The following TCOF1 variants were observed in gnomAD, a reference collection of about 807,000 sequenced individuals.
TCOF1 encodes treacle ribosome biogenesis factor 1.
In TCOF1, 33 loss-of-function variants were observed where a neutral mutation model predicts 149.0. The observed-to-expected ratio is 0.22, with a 90% CI of 0.17 to 0.30. The LOEUF is 0.30. TCOF1 is among the 10% of genes least tolerant of loss of function. The pLI is 1.00. For synonymous variants in TCOF1, 789 were observed against 738.8 expected, an observed-to-expected ratio of 1.07 and a Z score of -1.10; for missense variants, 1,728 against 1,840.7, an observed-to-expected ratio of 0.94 and a Z score of 1.12.
At chr5:150,369,000 A>G in intron 5 of TCOF1, 98 bp downstream of exon 5, 1 of 1,499,364 alleles carries the variant, frequency 6.7e-7, no homozygotes. Flanking sequence ...TCTGGAATCA[A>G]AAGTTTGTCT....
rs1561541062 is a variant in TCOF1, at chr5:150,396,818, A to G, written c.4321A>G (p.Lys1441Glu). The change falls in exon 24 of 27, where the codon AAG (lysine) becomes GAG (glutamate). Residue 1441 changes from lysine (K) to glutamate (E), a missense_variant. Lys to Glu is a moderately conservative substitution (Grantham distance 56). Coordinates refer to ENST00000643257, the MANE Select transcript of TCOF1 (RefSeq NM_001371623.1). ...AGATCAAAGCAACCCAAAGAGCAAG[A>G]AGGAGAAGAAGAAATCCGACAAGAG... is the stretch of plus-strand genomic sequence containing the variant. The part of the protein sequence containing the change: ...GGDQSNPKSK[K>E]EKKKSDKRKK... 5.0e-6 allele frequency: 8 copies of G among 1,605,782 alleles called. No individual in the cohort carries two copies. The highest frequency in any genetic ancestry group is 5.9e-6 in the Non-Finnish European group (7 of 1,176,540).
intron 14 of TCOF1, chr5:150,378,541 C>T: frequency 3.3e-6 from 1 of 302,602 alleles, no homozygotes; most frequent in Non-Finnish European, 6.3e-6. Flanking sequence ...AATTTAATGA[C>T]ATTGCCACCT....
chr5:150,392,147 C>G lies in TCOF1; in HGVS notation c.3488C>G (p.Pro1163Arg). 1 of 1,614,138 alleles carries G rather than the reference C, an allele frequency of 6.2e-7. No homozygotes were observed. Among genetic ancestry groups the G allele is most frequent in the Non-Finnish European group, 8.5e-7 (1 of 1,180,022 alleles). Residue 1163 changes from proline to arginine, a missense_variant, in exon 21 of 27, where the codon CCC becomes CGC. Coordinates refer to ENST00000643257, the MANE Select transcript of TCOF1 (RefSeq NM_001371623.1). The stretch of plus-strand genomic sequence containing the variant: ...GGGAGTGAGGAAGATGGTGAAGGGC[C>G]CCAGGGGGCCAAGTCAGCCCACACG... ...SSGSEEDGEG[P>R]QGAKSAHTLV...
chr5:150,374,970 A>AGGCCCCCCAGGTCAG lies in TCOF1; in HGVS notation c.1296_1310dup (p.Pro434_Ala438dup), dbSNP rs1763403493. ...TCACTCCAGGCGAAGCCTTCAGGGA[A>AGGCCCCCCAGGTCAG]GGCCCCCCAGGTCAGAGCCGCCTCG... On this transcript the variant is annotated inframe_insertion, in exon 10 of 27. Coordinates refer to ENST00000643257, the MANE Select transcript of TCOF1 (RefSeq NM_001371623.1). 6.2e-7 allele frequency: 1 copy of AGGCCCCCCAGGTCAG among 1,612,890 alleles called. No homozygotes were observed. The highest frequency in any genetic ancestry group is 8.5e-7 in the Non-Finnish European group (1 of 1,179,818).
intron 1 of TCOF1, among the ~76,000 whole-genome samples, chr5:150,358,100 C>G (rs1462294639): frequency 6.6e-6 from 1 of 152,210 alleles, no homozygotes; most frequent in African/African-American, 2.4e-5. Flanking sequence ...TCGCAGGGGC[C>G]GAACTTTGTA....
In TCOF1 at chr5:150,372,529, C is replaced by T. The variant is rs149867525; in HGVS notation, c.870+293C>T. On this transcript the variant is annotated intron_variant, in intron 7 of 26. Coordinates refer to ENST00000643257, the MANE Select transcript of TCOF1 (RefSeq NM_001371623.1). The stretch of plus-strand genomic sequence containing the variant: ...TGCCTAATCCTCTGACTTCTCAGGA[C>T]AAACCAGACCCTGAGCAGGCAAACA... Among the ~76,000 whole-genome samples the T allele has an allele frequency of 2.8e-3, 427 of 152,350 alleles. 6 individuals are homozygous for T. Among genetic ancestry groups the T allele is most frequent in the African/African-American group, 1.0e-2 (415 of 41,578 alleles).
chr5:150,391,717 C>G, intron 20 of TCOF1, 60 bp downstream of exon 20: 1 of 1,503,202 alleles, frequency 6.7e-7, no homozygotes, highest in Non-Finnish European at 9.1e-7. Flanking sequence ...AGGCGTGGCC[C>G]TGCATCGCGG....
In TCOF1 at chr5:150,374,629, G is replaced by C. The variant is rs776658410; in HGVS notation, c.1096G>C (p.Gly366Arg). ...AKALLQAKAS[G>R]KTSQVGAASA... Reference sequence around the variant, plus strand: ...CTTGTTTCTCCAGGCGAAGGCCTCAGGAAAAACCTCTCAGGTCGGAGCTGC... The same window carrying C: ...CTTGTTTCTCCAGGCGAAGGCCTCACGAAAAACCTCTCAGGTCGGAGCTGC... Residue 366 changes from glycine to arginine, a missense_variant, in exon 9 of 27, where the codon GGA becomes CGA. Gly to Arg is a moderately radical substitution (Grantham distance 125). Around this residue, in one of 2 missense-constraint regions of TCOF1, gnomAD observed 1,696 missense variants for 1,765.4 expected, o/e 0.96. Coordinates refer to ENST00000643257, the MANE Select transcript of TCOF1 (RefSeq NM_001371623.1). The C allele has an allele frequency of 8.7e-6, 14 of 1,612,890 alleles. No homozygotes were observed. In the South Asian group the frequency reaches 1.5e-4, roughly 18 times the overall value.
intron 17 of TCOF1, among the ~76,000 whole-genome samples, chr5:150,386,301 T>TA (rs1295568126): frequency 1.2e-4 from 18 of 152,242 alleles, no homozygotes; most frequent in Admixed American, 2.6e-4. Flanking sequence ...TTGCTTCTCT[T>TA]CGTCCCCGAC....
At chr5:150,378,443 C>T (rs1425376678) in intron 14 of TCOF1, among the ~76,000 whole-genome samples, 3 of 152,288 alleles carry the variant, frequency 2.0e-5, no homozygotes, top group African/African-American at 7.2e-5. Context: ...TGAGCTCCAG[C>T]TCTGACCTCA....
Position 150,374,362 on chromosome 5 carries a change from G to A in TCOF1, c.1059G>A (p.Thr353=), listed in dbSNP as rs764909247. 1.8e-5 allele frequency: 28 copies of A among 1,556,968 alleles called. No homozygotes were observed. In the Middle Eastern group the frequency reaches 1.0e-3, roughly 58 times the overall value. The change falls in exon 8 of 27, where the codon ACG becomes ACA. Residue 353 remains threonine (T), a synonymous_variant. Coordinates refer to ENST00000643257, the MANE Select transcript of TCOF1 (RefSeq NM_001371623.1). ...AGTCATCTGACAGTGAGGAGGAGACGCCAGCTGCCAAGGCCCTGCTTCAGG... is the reference window on the plus strand; with the variant it reads ...AGTCATCTGACAGTGAGGAGGAGACACCAGCTGCCAAGGCCCTGCTTCAGG... ...SEESSDSEEE[T]PAAKALLQAK...
intron 19 of TCOF1, 117 bp from the exon 20 acceptor site, chr5:150,391,427 C>T (rs1767420188): frequency 2.2e-6 from 2 of 894,378 alleles, no homozygotes; most frequent in South Asian, 2.6e-5. Context: ...GCCCCTTTGA[C>T]TGCCCCTCAG....
At chr5:150,382,041 C>A (rs1247249527) in intron 17 of TCOF1, among the ~76,000 whole-genome samples, 1 of 152,158 alleles carries the variant, frequency 6.6e-6, no homozygotes, top group Non-Finnish European at 1.5e-5. Flanking sequence ...ACTAAAAATA[C>A]AAAAACTAGC....
At chr5:150,369,035 T>G (rs1488621863) in intron 5 of TCOF1, 133 bp downstream of exon 5, 11 of 1,206,066 alleles carry the variant, frequency 9.1e-6, no homozygotes, top group Admixed American at 2.0e-5. Context: ...TTCCTGCATC[T>G]TAGGACTTTT....
rs780931180 is a variant in TCOF1, at chr5:150,376,338, CTG to C, written c.2142+12_2142+13del. On this transcript the variant is annotated intron_variant, in intron 13 of 26. Transcript: ENST00000643257. ...GCAGTAACCGTGGGACAGGTGAGGC[CTG>C]TGTTTTCTGGGCGGGCCTCAGGGCC... 1.2e-6 allele frequency: 2 copies of C among 1,614,150 alleles called. No homozygotes were observed. The highest frequency in any genetic ancestry group is 2.2e-5 in the South Asian group (2 of 91,086).
Position 150,396,723 on chromosome 5 carries a change from T to C in TCOF1, c.4226T>C (p.Leu1409Pro), listed in dbSNP as rs1768605681. The C allele has an allele frequency of 6.2e-7, 1 of 1,612,626 alleles. No homozygotes were observed. Among genetic ancestry groups the C allele is most frequent in the African/African-American group, 1.3e-5 (1 of 74,970 alleles). The change falls in exon 24 of 27, where the codon CTT (leucine) becomes CCT (proline). Residue 1409 changes from leucine to proline, a missense_variant. This residue lies in a region of TCOF1 where 1,696 missense variants were observed against 1,765.4 expected (regional missense o/e 0.96). Transcript: ENST00000643257. The stretch of plus-strand genomic sequence containing the variant: ...AAGGAGAAGAAAGGGAAGGGGTCTC[T>C]TGGCTCCCAAGGGGCCAAGGACGAG... ...DVKEKKGKGS[L>P]GSQGAKDEPE...
Position 150,376,113 on chromosome 5 carries a change from A to G in TCOF1, c.1925A>G (p.Lys642Arg). Residue 642 changes from lysine (K) to arginine (R), a missense_variant, in exon 13 of 27, where the codon AAG becomes AGG. Lys to Arg is a conservative substitution (Grantham distance 26, BLOSUM62 2). Transcript: ENST00000643257. ...CCAGCTCTGAAAATTCCTCAGACCA[A>G]GGCCTGCCCAAAGAAAACCAATACC... ...AKPALKIPQT[K>R]ACPKKTNTTA... 6.2e-7 allele frequency: 1 copy of G among 1,614,230 alleles called. No individual in the cohort carries two copies. The highest frequency in any genetic ancestry group is 8.5e-7 in the Non-Finnish European group (1 of 1,180,032).
rs1051976170 is a variant in TCOF1, at chr5:150,375,560, G to T, written c.1704+6G>T. The T allele has an allele frequency of 5.0e-6, 8 of 1,613,912 alleles. No individual in the cohort carries two copies. The African/African-American group carries it at 9.3e-5, about 19-fold the overall frequency. On this transcript the variant is annotated splice_donor_region_variant and intron_variant, in intron 11 of 26. Transcript: ENST00000643257. ...CAGCTGTGGCCCCGGCTCAGGTGAG[G>T]CCCCTTCCTGTAAGGCTCTTTCTTT...
In TCOF1 at chr5:150,374,990, G is replaced by A. The variant is rs758144201; in HGVS notation, c.1315G>A (p.Ala439Thr). 1.3e-5 allele frequency: 21 copies of A among 1,613,452 alleles called. No individual in the cohort carries two copies. The highest frequency in any genetic ancestry group is 6.7e-5 in the East Asian group (3 of 44,856). Residue 439 changes from alanine (A) to threonine (T), a missense_variant, in exon 10 of 27, where the codon GCC (alanine) becomes ACC (threonine). By Grantham distance (58) the Ala-to-Thr change is moderately conservative (BLOSUM62 0). Coordinates refer to ENST00000643257, the MANE Select transcript of TCOF1 (RefSeq NM_001371623.1). ...PSGKAPQVRA[A>T]SAPAKESPRK... ...AGGGAAGGCCCCCCAGGTCAGAGCC[G>A]CCTCGGCCCCTGCCAAGGAGTCCCC...
Sources: gnomAD v4.1 joint callset for allele counts (sites outside exome capture counted in the v4.1 genomes callset) on GRCh38, gnomAD v4.1.1 for gene constraint, gnomAD v4.1.1 regional missense constraint, MANE v1.5 for transcripts, NCBI Gene and HGNC (gene_info 2026-07-23, HGNC 2026-07-21) for gene names.